The following RALYL variants were observed in gnomAD, a reference collection of about 807,000 sequenced individuals.
RALYL encodes RALY RNA binding protein like.
In RALYL, 29 loss-of-function variants were observed where a neutral mutation model predicts 35.1. The ratio of observed to expected loss-of-function variants is 0.83; its 90% CI spans 0.61 to 1.13. The LOEUF is 1.13. RALYL is among the 50% of genes most tolerant of loss of function. The pLI is 0.00. For synonymous variants in RALYL, 120 were observed against 127.6 expected (o/e 0.94, Z 0.40); for missense variants, 359 against 360.4 (o/e 1.00, Z 0.03).
At chr8:84,389,509 T>G (rs1177887573) in intron 1 of RALYL, among the ~76,000 whole-genome samples, 3 of 151,334 alleles carry the variant, frequency 2.0e-5, no homozygotes, top group Non-Finnish European at 4.4e-5. Flanking sequence ...TGTATCCTCT[T>G]TTATTTCCTT....
At chr8:84,185,133 T>A in intron 1 of RALYL, 1 of 1,001,216 alleles carries the variant, frequency 1.0e-6, no homozygotes, top group Admixed American at 1.8e-5. Flanking sequence ...GCTGGTGTCG[T>A]CTTCCAGGGG....
intron 4 of RALYL, among the ~76,000 whole-genome samples, chr8:84,835,103 G>A (rs1215051886): frequency 1.3e-5 from 2 of 152,126 alleles, no homozygotes; most frequent in Non-Finnish European, 2.9e-5. Flanking sequence ...AAACTTCAGT[G>A]TCAAGAAATT....
At chr8:84,257,675 G>C (rs754770358) in intron 1 of RALYL, among the ~76,000 whole-genome samples, 1 of 152,054 alleles carries the variant, frequency 6.6e-6, no homozygotes, top group Non-Finnish European at 1.5e-5. Flanking sequence ...ACTCTAGAGC[G>C]TTAGGCAACA....
intron 2 of RALYL, among the ~76,000 whole-genome samples, chr8:84,552,293 T>A (rs189431101): frequency 1.3e-5 from 2 of 148,220 alleles, no homozygotes; most frequent in East Asian, 3.9e-4. Flanking sequence ...TTTAAAGCAT[T>A]TTCTGTTGTT....
chr8:84,909,332 T>C (rs1847118023), intron 8 of RALYL, among the ~76,000 whole-genome samples: 1 of 152,160 alleles, frequency 6.6e-6, no homozygotes, highest in Non-Finnish European at 1.5e-5. Context: ...AAGCCTGTTA[T>C]TGCCTTTCAA....
intron 2 of RALYL, among the ~76,000 whole-genome samples, chr8:84,693,646 T>A (rs1838534404): frequency 6.6e-6 from 1 of 151,880 alleles, no homozygotes; most frequent in Non-Finnish European, 1.5e-5. Flanking sequence ...TACCAAAGCC[T>A]GACAAAGGCA....
intron 2 of RALYL, among the ~76,000 whole-genome samples, chr8:84,539,268 A>T (rs946632224): frequency 1.6e-4 from 24 of 152,152 alleles, no homozygotes; most frequent in African/African-American, 5.8e-4. Flanking sequence ...AAATGCATCA[A>T]TATGTGTAAA....
chr8:84,693,745 C>T (rs762088583), intron 2 of RALYL, among the ~76,000 whole-genome samples: 7 of 151,778 alleles, frequency 4.6e-5, no homozygotes, highest in South Asian at 4.1e-4. Context: ...AATTCAGCAA[C>T]ATTTTAAAAG....
intron 1 of RALYL, among the ~76,000 whole-genome samples, chr8:84,200,470 G>A (rs1351064179): frequency 6.6e-6 from 1 of 152,040 alleles, no homozygotes; most frequent in Admixed American, 6.6e-5. Flanking sequence ...TCATTAAAAG[G>A]AAGTGTCCTA....
In RALYL at chr8:84,582,648, C is replaced by T. The variant is rs533190753; in HGVS notation, c.256+53071C>T. On this transcript the variant is annotated intron_variant, in intron 2 of 8. Transcript: ENST00000521268. Reference sequence around the variant, plus strand: ...GTTCACAGATGATATTAAAACTCTTCGAAAGTCTAGATGAAGCAAAGCTGT... The same window carrying T: ...GTTCACAGATGATATTAAAACTCTTTGAAAGTCTAGATGAAGCAAAGCTGT... Among the ~76,000 whole-genome samples the T allele has an allele frequency of 6.3e-4, 96 of 151,814 alleles. 1 individual carries two copies. The South Asian group carries it at 0.018, about 28-fold the overall frequency.
intron 1 of RALYL, among the ~76,000 whole-genome samples, chr8:84,363,999 G>A (rs1853657582): frequency 6.6e-6 from 1 of 152,024 alleles, no homozygotes; most frequent in Admixed American, 6.6e-5. Context: ...CTTAAAGACA[G>A]GCATGCCTAC....
intron 1 of RALYL, among the ~76,000 whole-genome samples, chr8:84,194,590 G>T (rs1395483893): frequency 6.6e-6 from 1 of 152,128 alleles, no homozygotes; most frequent in Non-Finnish European, 1.5e-5. Flanking sequence ...GATTCAGATT[G>T]AAAAGAAAGC....
intron 1 of RALYL, among the ~76,000 whole-genome samples, chr8:84,475,938 A>T (rs930638901): frequency 1.3e-5 from 2 of 152,224 alleles, no homozygotes; most frequent in Non-Finnish European, 2.9e-5. Context: ...TTGCTAAATG[A>T]TATGTGGAGA....
chr8:84,274,203 G>A (rs1834898871), intron 1 of RALYL, among the ~76,000 whole-genome samples: 1 of 152,140 alleles, frequency 6.6e-6, no homozygotes, highest in South Asian at 2.1e-4. Flanking sequence ...ATGCATATGT[G>A]TGCCTCAGTT....
At chr8:84,870,361 C>A (rs957225084) in intron 6 of RALYL, among the ~76,000 whole-genome samples, 5 of 151,374 alleles carry the variant, frequency 3.3e-5, no homozygotes, top group African/African-American at 2.4e-5. Context: ...TGGGTTCAAG[C>A]AATTCTCTGC....
chr8:84,636,914 C>T (rs1825184576), intron 2 of RALYL, among the ~76,000 whole-genome samples: 1 of 151,832 alleles, frequency 6.6e-6, no homozygotes, highest in African/African-American at 2.4e-5. Context: ...ATTTCTCACC[C>T]CTTCACCTAA....
At chr8:84,901,387 T>C (rs1003608284) in intron 8 of RALYL, among the ~76,000 whole-genome samples, 1 of 152,188 alleles carries the variant, frequency 6.6e-6, no homozygotes, top group Non-Finnish European at 1.5e-5. Flanking sequence ...CATGACAGTT[T>C]TCTGAACAAC....
intron 2 of RALYL, among the ~76,000 whole-genome samples, chr8:84,691,951 A>G (rs1056438720): frequency 2.0e-5 from 3 of 152,080 alleles, no homozygotes; most frequent in Non-Finnish European, 4.4e-5. Flanking sequence ...AAACATTTAA[A>G]AATATACCAA....
Position 84,397,572 on chromosome 8 carries a change from GGTACTCGT to G in RALYL, c.-23-131723_-23-131716del, listed in dbSNP as rs758048447. ...AAGGTAGCAAAGCAATACAAAAGCA[GGTACTCGT>G]GTAACCTAGGCCAGAACCACCACAT... is the stretch of plus-strand genomic sequence containing the variant. On this transcript the variant is annotated intron_variant, in intron 1 of 8. Transcript: ENST00000521268. Among the ~76,000 whole-genome samples, 218 of 152,234 alleles carry G rather than the reference GGTACTCGT, an allele frequency of 1.4e-3. 2 individuals carry two copies. Among genetic ancestry groups the G allele is most frequent in the Middle Eastern group, 6.8e-3 (2 of 294 alleles).
Sources: allele counts gnomAD v4.1 joint callset (sites outside exome capture counted in the v4.1 genomes callset), GRCh38; gene constraint gnomAD v4.1.1; transcripts MANE v1.5; gene names NCBI Gene and HGNC (gene_info 2026-07-23, HGNC 2026-07-21).